Variants in SCHIP1 observed in about 807,000 individuals in gnomAD.
The protein encoded by SCHIP1 is schwannomin interacting protein 1.
SCHIP1 carries 8 observed loss-of-function variants against 29.7 expected under a neutral mutation model. The observed-to-expected ratio is 0.27, with a 90% CI of 0.16 to 0.49. The LOEUF is 0.49. Among genes scored for constraint, SCHIP1 ranks in the 20% least tolerant of loss-of-function variants. The pLI, the probability that SCHIP1 is intolerant of heterozygous loss-of-function variation, is 0.99. For missense variants in SCHIP1, 193 were observed against 294.6 expected (o/e 0.66, Z 2.52); for synonymous variants, 76 against 94.9 (o/e 0.80, Z 1.16).
At chr3:159,869,709 A>C (rs1715039267) in intron 2 of SCHIP1, among the ~76,000 whole-genome samples, 1 of 151,480 alleles carries the variant, frequency 6.6e-6, no homozygotes, top group South Asian at 2.1e-4. Flanking sequence ...TCCTCCACAT[A>C]AACTTTAAAT....
the SCHIP1 span, among the ~76,000 whole-genome samples, chr3:159,361,733 G>A: frequency 6.6e-6 from 1 of 152,138 alleles, no homozygotes; most frequent in East Asian, 1.9e-4. Flanking sequence ...GAGAAGAGTT[G>A]GATTCTGGAT....
At chr3:159,330,531 A>G in the SCHIP1 span, among the ~76,000 whole-genome samples, 2 of 152,128 alleles carry the variant, frequency 1.3e-5, no homozygotes, top group Admixed American at 1.3e-4. Flanking sequence ...ATCTTTGTAG[A>G]TTTATAGTAT....
chr3:159,603,740 A>G, the SCHIP1 span, among the ~76,000 whole-genome samples: 1 of 152,192 alleles, frequency 6.6e-6, no homozygotes, highest in African/African-American at 2.4e-5. Flanking sequence ...GCTGTAACTG[A>G]ATACCTAGGA....
chr3:159,544,377 G>A, the SCHIP1 span, among the ~76,000 whole-genome samples: 3 of 151,996 alleles, frequency 2.0e-5, no homozygotes, highest in South Asian at 6.2e-4. Context: ...ATATACCTAG[G>A]AGTGGAGAAG....
chr3:159,660,728 C>T, the SCHIP1 span, among the ~76,000 whole-genome samples: 2 of 152,152 alleles, frequency 1.3e-5, no homozygotes, highest in Admixed American at 1.3e-4. Flanking sequence ...ATTTGAAGTT[C>T]TCTTTCAGAG....
At chr3:159,891,185 C>T (rs1332847067) in intron 5 of SCHIP1, among the ~76,000 whole-genome samples, 1 of 152,078 alleles carries the variant, frequency 6.6e-6, no homozygotes. Context: ...TCCTGGCTAA[C>T]AAGGCAAAAC....
At chr3:159,846,068 ACTT>A (rs529075364) in intron 1 of SCHIP1, 18 of 152,312 alleles carry the variant, frequency 1.2e-4, no homozygotes, top group African/African-American at 4.1e-4. Flanking sequence ...CTCCATGCCT[ACTT>A]CTTCATCCAG....
At chr3:159,866,096 T>G in intron 1 of SCHIP1, 67 bp from the exon 3 acceptor site, 1 of 1,380,268 alleles carries the variant, frequency 7.2e-7, no homozygotes, top group Non-Finnish European at 1.0e-6. Context: ...ACTTAGCAAG[T>G]TAGACTGCCT....
chr3:159,514,593 G>C, the SCHIP1 span, among the ~76,000 whole-genome samples: 3 of 152,128 alleles, frequency 2.0e-5, no homozygotes, highest in Non-Finnish European at 4.4e-5. Flanking sequence ...TGATTTCTCT[G>C]AGTTTCTTTA....
chr3:159,654,006 A>G, the SCHIP1 span, among the ~76,000 whole-genome samples: 2 of 152,186 alleles, frequency 1.3e-5, no homozygotes, highest in Admixed American at 6.5e-5. Flanking sequence ...AAAATATACT[A>G]TCATACATTC....
chr3:159,564,041 A>G, the SCHIP1 span, among the ~76,000 whole-genome samples: 1 of 152,060 alleles, frequency 6.6e-6, no homozygotes, highest in South Asian at 2.1e-4. Flanking sequence ...TGCCACTCAC[A>G]TTTCTCAGCC....
intron 2 of SCHIP1, among the ~76,000 whole-genome samples, chr3:159,866,494 T>G (rs1038671401): frequency 6.6e-6 from 1 of 152,170 alleles, no homozygotes; most frequent in African/African-American, 2.4e-5. Context: ...ATTTCCCAGC[T>G]ACTTGAGGTC....
chr3:159,316,198 A>C, the SCHIP1 span, among the ~76,000 whole-genome samples: 1 of 152,164 alleles, frequency 6.6e-6, no homozygotes, highest in East Asian at 1.9e-4. Context: ...ATATATATAT[A>C]TCTATAAAGG....
the SCHIP1 span, among the ~76,000 whole-genome samples, chr3:159,585,461 T>C: frequency 6.6e-6 from 1 of 152,182 alleles, no homozygotes; most frequent in South Asian, 2.1e-4. Context: ...CATGTGCTAC[T>C]TGGAAGGATG....
the SCHIP1 span, among the ~76,000 whole-genome samples, chr3:159,394,224 T>C: frequency 6.6e-6 from 1 of 150,692 alleles, no homozygotes; most frequent in Non-Finnish European, 1.5e-5. Flanking sequence ...GCTGAGACAA[T>C]GGGGTTTTCT....
chr3:159,710,774 AT>A, the SCHIP1 span, among the ~76,000 whole-genome samples: 188 of 152,214 alleles, frequency 1.2e-3, no homozygotes, highest in African/African-American at 4.4e-3. Context: ...GCACAATGGA[AT>A]TTTTTTTAAA....
At chr3:159,740,961 C>T in the SCHIP1 span, among the ~76,000 whole-genome samples, 1 of 152,036 alleles carries the variant, frequency 6.6e-6, no homozygotes, top group East Asian at 1.9e-4. Context: ...CGACACTCCC[C>T]TAAAGCCTCT....
the SCHIP1 span, among the ~76,000 whole-genome samples, chr3:159,781,823 G>A: frequency 8.5e-5 from 13 of 152,200 alleles, no homozygotes; most frequent in Admixed American, 8.5e-4. Context: ...CCCTTCCCAG[G>A]ACAGGGCTTC....
At chr3:159,495,796 C>A in the SCHIP1 span, among the ~76,000 whole-genome samples, 1 of 152,204 alleles carries the variant, frequency 6.6e-6, no homozygotes, top group South Asian at 2.1e-4. Context: ...GCCCGCATCA[C>A]CAAGTCAATC....
Sources: gnomAD v4.1 joint callset for allele counts (sites outside exome capture counted in the v4.1 genomes callset) on GRCh38, gnomAD v4.1.1 for gene constraint, MANE v1.5 for transcripts, NCBI Gene and HGNC (gene_info 2026-07-23, HGNC 2026-07-21) for gene names.